Variants in TMPRSS2 observed in about 807,000 individuals in gnomAD.
TMPRSS2 encodes transmembrane protease serine 2.
In TMPRSS2, 59 loss-of-function variants were observed where a neutral mutation model predicts 67.4. The observed-to-expected ratio is 0.88, with a 90% CI of 0.71 to 1.09. The LOEUF (loss-of-function observed/expected upper bound fraction) is 1.09. Ranked by LOEUF, TMPRSS2 falls within the 50% of genes least tolerant of loss-of-function variation. The pLI is 0.00. For missense variants in TMPRSS2, 668 were observed against 642.7 expected (o/e 1.04, Z -0.43); for synonymous variants, 257 against 257.0 (o/e 1.00, Z 0.00).
chr21:41,491,009 A>G (rs6517669), intron 3 of TMPRSS2, among the ~76,000 whole-genome samples: 56,712 of 151,960 alleles, frequency 0.37, 12,548 homozygotes, highest in African/African-American at 0.61. Flanking sequence ...TCGATGCCAT[A>G]CCTCTCTCTT....
chr21:41,484,800 C>A (rs1007592488), intron 5 of TMPRSS2, among the ~76,000 whole-genome samples: 1 of 151,956 alleles, frequency 6.6e-6, no homozygotes, highest in African/African-American at 2.4e-5. Context: ...TTAAGGTCCA[C>A]CAAGAAGAGA....
At chr21:41,473,237 G>T in intron 9 of TMPRSS2, 88 bp downstream of exon 9, 2 of 1,392,792 alleles carry the variant, frequency 1.4e-6, no homozygotes, top group Non-Finnish European at 1.9e-6. Context: ...GGATGCCGGG[G>T]CTGCAAGGGT....
chr21:41,498,559 G>A (rs2091402273), intron 1 of TMPRSS2, among the ~76,000 whole-genome samples: 1 of 152,180 alleles, frequency 6.6e-6, no homozygotes, highest in Non-Finnish European at 1.5e-5. Context: ...GGGGCTCAAG[G>A]CCACCCACAA....
In TMPRSS2 at chr21:41,494,404, C is replaced by T. The variant is rs574582815; in HGVS notation, c.190G>A (p.Val64Ile). Residue 64 changes from valine to isoleucine, a missense_variant, in exon 3 of 14, where the codon GTC (valine) becomes ATC (isoleucine). By Grantham distance (29) the Val-to-Ile change is conservative (BLOSUM62 3). Coordinates refer to ENST00000332149, the MANE Select transcript of TMPRSS2 (RefSeq NM_005656.4). ...PRVLTQASNP[V>I]VCTQPKSPSG... ...GGGGATTTGGGCTGCGTGCAGACGA[C>T]GGGGTTGGAAGCCTGCGTCAGGACC... 17 of 1,610,698 alleles carry T rather than the reference C, an allele frequency of 1.1e-5. No homozygotes were observed. The highest frequency in any genetic ancestry group is 5.5e-5 in the South Asian group (5 of 90,552).
chr21:41,470,604 C>T (rs2091124312), intron 11 of TMPRSS2, 44 bp downstream of exon 11: 2 of 1,578,432 alleles, frequency 1.3e-6, no homozygotes, highest in Non-Finnish European at 1.7e-6. Context: ...CCCAATGCTC[C>T]ATCTGTGGGC....
Position 41,508,105 on chromosome 21 carries a change from CCGCCCCT to C in TMPRSS2, c.-88_-82del. Reference sequence around the variant, plus strand: ...CCTGCCGCGCTCCAGGCGGCGCTCCCCGCCCCTCGCCCTCCGCCTCCGCCTCCGCCTC... The same window carrying C: ...CCTGCCGCGCTCCAGGCGGCGCTCCCCGCCCTCCGCCTCCGCCTCCGCCTC... On this transcript the variant is annotated 5_prime_UTR_variant, in exon 1 of 14. Transcript: ENST00000332149. The C allele has an allele frequency of 1.7e-6, 2 of 1,169,448 alleles. No individual in the cohort carries two copies. The highest frequency in any genetic ancestry group is 2.2e-6 in the Non-Finnish European group (2 of 909,216). 72.4% of individuals were successfully genotyped at this position (1,169,448 alleles called of 1,614,324 possible).
chr21:41,496,863 A>C (rs1601588573), intron 2 of TMPRSS2, among the ~76,000 whole-genome samples: 1 of 94,110 alleles, frequency 1.1e-5, no homozygotes, highest in Non-Finnish European at 1.9e-5. Context: ...TTTTTGAGAC[A>C]GTGTTTCCCT....
rs76855393 is a variant in TMPRSS2, at chr21:41,477,689, C to T, written c.684-1069G>A. Reference sequence around the variant, plus strand: ...GGACTCTGGCTCTGGGGCACTGACACGGCCAAGTGAAGACATGTCCCCTTT... The same window carrying T: ...GGACTCTGGCTCTGGGGCACTGACATGGCCAAGTGAAGACATGTCCCCTTT... On this transcript the variant is annotated intron_variant, in intron 7 of 13. Transcript: ENST00000332149. 1.1e-4 allele frequency among the ~76,000 whole-genome samples: 16 copies of T among 152,214 alleles called. No homozygotes were observed. The East Asian group carries it at 2.5e-3, about 24-fold the overall frequency.
At chr21:41,485,950 G>A (rs1397461258) in intron 5 of TMPRSS2, among the ~76,000 whole-genome samples, 1 of 152,200 alleles carries the variant, frequency 6.6e-6, no homozygotes, top group African/African-American at 2.4e-5. Flanking sequence ...GACTGACAGC[G>A]AGGGCTTAAC....
chr21:41,468,607 T>C, intron 11 of TMPRSS2, 69 bp from the exon 12 acceptor site: 1 of 1,570,216 alleles, frequency 6.4e-7, no homozygotes, highest in African/African-American at 1.3e-5. Flanking sequence ...CACACTTCCC[T>C]CCCTGAGACC....
chr21:41,468,283 G>T, intron 12 of TMPRSS2, 113 bp downstream of exon 12: 2 of 1,383,924 alleles, frequency 1.4e-6, no homozygotes, highest in Non-Finnish European at 2.0e-6. Context: ...ACTGCCCCGA[G>T]CTGGCTCCGT....
intron 3 of TMPRSS2, among the ~76,000 whole-genome samples, chr21:41,493,014 C>T (rs886272746): frequency 5.3e-5 from 8 of 152,184 alleles, no homozygotes; most frequent in African/African-American, 1.4e-4. Flanking sequence ...TCTTTGCTGT[C>T]GGGGGGCTGT....
intron 5 of TMPRSS2, among the ~76,000 whole-genome samples, chr21:41,483,968 C>CATT (rs1251711354): frequency 1.3e-5 from 2 of 151,954 alleles, no homozygotes; most frequent in Non-Finnish European, 2.9e-5. Flanking sequence ...AATATATATG[C>CATT]ATTAGCCTGG....
In TMPRSS2 at chr21:41,464,515, T is replaced by G. The variant is rs1351471685; in HGVS notation, c.*1627A>C. 4.9e-6 allele frequency: 1 copy of G among 203,626 alleles called. No individual in the cohort carries two copies. The highest frequency in any genetic ancestry group is 1.0e-5 in the Non-Finnish European group (1 of 99,186). 12.6% of individuals were successfully genotyped at this position (203,626 alleles called of 1,614,324 possible). A position where few individuals can be genotyped will look rare whatever the true frequency, so the allele number is the denominator to read the frequency against. The stretch of plus-strand genomic sequence containing the variant: ...CCCCTTATAAGGAAATGGAGGCTGG[T>G]CCTACTCACCAGGCAGAACTTCAAA... On this transcript the variant is annotated 3_prime_UTR_variant, in exon 14 of 14. Coordinates refer to ENST00000332149, the MANE Select transcript of TMPRSS2 (RefSeq NM_005656.4).
In TMPRSS2 at chr21:41,505,256, G is replaced by T. The variant is rs2091449964; in HGVS notation, c.-57+2825C>A. Among the ~76,000 whole-genome samples, 3 of 152,108 alleles carry T rather than the reference G, an allele frequency of 2.0e-5. No homozygotes were observed. In the South Asian group the frequency reaches 6.2e-4, roughly 32 times the overall value. ...AGAAAAATAAATAAATAAATAAGATGCCTGGGCCCCATTCTCAGAGTCTGA... is the reference window on the plus strand; with the variant it reads ...AGAAAAATAAATAAATAAATAAGATTCCTGGGCCCCATTCTCAGAGTCTGA... On this transcript the variant is annotated intron_variant, in intron 1 of 13. Coordinates refer to ENST00000332149, the MANE Select transcript of TMPRSS2 (RefSeq NM_005656.4).
intron 2 of TMPRSS2, among the ~76,000 whole-genome samples, chr21:41,496,773 G>T (rs1196898277): frequency 6.6e-6 from 1 of 150,822 alleles, no homozygotes; most frequent in Admixed American, 6.6e-5. Context: ...TGTATCTAAG[G>T]GCCCCCATGC....
intron 1 of TMPRSS2, among the ~76,000 whole-genome samples, chr21:41,498,854 G>A (rs771878513): frequency 7.2e-5 from 11 of 152,146 alleles, no homozygotes; most frequent in African/African-American, 1.9e-4. Flanking sequence ...ATGGGAAAAC[G>A]GACAAAGCAA....
At chr21:41,502,330 C>T (rs1379486803) in intron 1 of TMPRSS2, 1 of 970,252 alleles carries the variant, frequency 1.0e-6, no homozygotes, top group African/African-American at 1.8e-5. Flanking sequence ...CTGACTCCCA[C>T]CCAAGATCCA....
intron 2 of TMPRSS2, among the ~76,000 whole-genome samples, chr21:41,497,375 GA>G (rs2091391231): frequency 6.6e-6 from 1 of 152,132 alleles, no homozygotes; most frequent in African/African-American, 2.4e-5. Context: ...CACACAGAGG[GA>G]AAACACAAGG....
Sources: allele counts gnomAD v4.1 joint callset (sites outside exome capture counted in the v4.1 genomes callset), GRCh38; gene constraint gnomAD v4.1.1; transcripts MANE v1.5; gene names NCBI Gene and HGNC (gene_info 2026-07-23, HGNC 2026-07-21).